Variants in ZDHHC16 observed in about 807,000 individuals in gnomAD.
ZDHHC16 encodes palmitoyltransferase ZDHHC16.
Under a neutral mutation model 54.4 loss-of-function variants are expected in ZDHHC16, and 33 were observed. The ratio of observed to expected loss-of-function variants is 0.61; its 90% CI spans 0.46 to 0.81. The LOEUF (loss-of-function observed/expected upper bound fraction) is 0.81. Among genes scored for constraint, ZDHHC16 ranks in the 30% least tolerant of loss-of-function variants. ZDHHC16 has a pLI of 0.00. For synonymous variants in ZDHHC16, 185 were observed against 182.1 expected (o/e 1.02, Z -0.13); for missense variants, 420 against 485.9 (o/e 0.86, Z 1.28).
chr10:97,455,857 C>T, intron 10 of ZDHHC16, 74 bp downstream of exon 10: 1 of 1,602,466 alleles, frequency 6.2e-7, no homozygotes, highest in South Asian at 1.1e-5. Context: ...AGGCCATGGG[C>T]AGGGCTGACT....
chr10:97,451,651 A>T lies in ZDHHC16; in HGVS notation c.-5-20A>T, dbSNP rs1284828206. On this transcript the variant is annotated intron_variant, in intron 2 of 11. Transcript: ENST00000393760. ...GAGGGAGGGCTCAGACTAGATCCTC[A>T]CAATGGTGTGCTCTCGTAGGAACCA... 3 of 1,596,832 alleles carry T rather than the reference A, an allele frequency of 1.9e-6. No homozygotes were observed. In the East Asian group the frequency reaches 6.7e-5, roughly 36 times the overall value.
chr10:97,449,220 A>G (rs1846369163), intron 1 of ZDHHC16, among the ~76,000 whole-genome samples: 1 of 121,582 alleles, frequency 8.2e-6, no homozygotes, highest in Non-Finnish European at 1.8e-5. Flanking sequence ...AGTGGAGAAT[A>G]GAAGTTTTTT....
At chr10:97,450,022 C>G (rs1173894788) in intron 1 of ZDHHC16, among the ~76,000 whole-genome samples, 1 of 151,112 alleles carries the variant, frequency 6.6e-6, no homozygotes, top group African/African-American at 2.4e-5. Context: ...CAGGCGCCCG[C>G]CACCGCGCCC....
intron 5 of ZDHHC16, 97 bp downstream of exon 5, chr10:97,452,600 C>A: frequency 7.6e-7 from 1 of 1,320,128 alleles, no homozygotes; most frequent in Non-Finnish European, 1.1e-6. Context: ...ATGGGTGAAT[C>A]ACCCATCGTG....
chr10:97,452,895 G>T lies in ZDHHC16; in HGVS notation c.528G>T (p.Arg176Ser). The T allele has an allele frequency of 2.5e-6, 4 of 1,614,192 alleles. No homozygotes were observed. Among genetic ancestry groups the T allele is most frequent in the Non-Finnish European group, 3.4e-6 (4 of 1,180,040 alleles). The change falls in exon 6 of 12, where the codon AGG becomes AGT. Residue 176 changes from arginine to serine, a missense_variant and splice_region_variant. By Grantham distance (110) the Arg-to-Ser change is moderately radical (BLOSUM62 -1). Transcript: ENST00000393760. The stretch of plus-strand genomic sequence containing the variant: ...CAGAGCCTGTGTCCCTTCCTCACAG[G>T]TGTGTGCTGAAGATGGATCACCACT... ...ARTHHCSICN[R>S]CVLKMDHHCP...
chr10:97,455,880 G>GT (rs1015920258), intron 10 of ZDHHC16, 94 bp from the exon 11 acceptor site: 35 of 1,602,852 alleles, frequency 2.2e-5, no homozygotes, highest in African/African-American at 4.0e-5. Flanking sequence ...GGCAAGCATT[G>GT]TAAAAGGCCA....
At chr10:97,453,950 A>C (rs1846910308) in intron 8 of ZDHHC16, 104 bp downstream of exon 8, 1 of 1,492,798 alleles carries the variant, frequency 6.7e-7, no homozygotes, top group African/African-American at 1.4e-5. Flanking sequence ...GAGGCTGCCG[A>C]GAGGCCACTC....
chr10:97,452,798 C>T, intron 5 of ZDHHC16, 97 bp from the exon 6 acceptor site: 2 of 1,541,464 alleles, frequency 1.3e-6, no homozygotes, highest in Non-Finnish European at 1.8e-6. Flanking sequence ...TGTGCCCTTT[C>T]CACCTCAGCA....
chr10:97,456,891 A>G lies in ZDHHC16; in HGVS notation c.1134A>G (p.Ter378TrpextTer81). The G allele has an allele frequency of 6.2e-7, 1 of 1,607,034 alleles. No homozygotes were observed. The highest frequency in any genetic ancestry group is 8.5e-7 in the Non-Finnish European group (1 of 1,176,272). The stretch of plus-strand genomic sequence containing the variant: ...ACTCAGCCTCTGTGATGGCAGTGTG[A>G]GCTGGACTGTGTCAGCCACGACTCG... ...TAHSASVMAV* is the reference protein window; with the variant it reads ...TAHSASVMAVW The change falls in exon 12 of 12, where the codon TGA becomes TGG. Residue 378 changes from the stop codon to tryptophan, a stop_lost. Coordinates refer to ENST00000393760, the MANE Select transcript of ZDHHC16 (RefSeq NM_198046.3).
intron 1 of ZDHHC16, among the ~76,000 whole-genome samples, chr10:97,449,012 C>T (rs1341751408): frequency 6.6e-6 from 1 of 152,196 alleles, no homozygotes; most frequent in Non-Finnish European, 1.5e-5. Flanking sequence ...TGGAAGGGAC[C>T]TTAGCATTTA....
At chr10:97,450,032 C>T (rs889959579) in intron 1 of ZDHHC16, among the ~76,000 whole-genome samples, 2 of 150,836 alleles carry the variant, frequency 1.3e-5, no homozygotes, top group Non-Finnish European at 2.9e-5. Flanking sequence ...CCACCGCGCC[C>T]GGCTAATTTT....
intron 10 of ZDHHC16, 45 bp downstream of exon 10, chr10:97,455,828 C>A: frequency 6.2e-7 from 1 of 1,606,962 alleles, no homozygotes; most frequent in Non-Finnish European, 8.5e-7. Context: ...GGTAACTGAA[C>A]TTGCTCTCCT....
At chr10:97,455,179 T>C (rs896005089) in intron 9 of ZDHHC16, among the ~76,000 whole-genome samples, 1 of 152,248 alleles carries the variant, frequency 6.6e-6, no homozygotes, top group African/African-American at 2.4e-5. Flanking sequence ...ATATTAGCAC[T>C]GGAATTTGAA....
At chr10:97,450,922 C>G (rs1046708739) in intron 2 of ZDHHC16, 1 of 152,244 alleles carries the variant, frequency 6.6e-6, no homozygotes, top group African/African-American at 2.4e-5. Flanking sequence ...GTTGTCTTGG[C>G]TACCATTTCC....
chr10:97,448,413 A>T (rs554962098), intron 1 of ZDHHC16: 1 of 152,280 alleles, frequency 6.6e-6, no homozygotes, highest in Admixed American at 6.5e-5. Context: ...TGCTCTTCAT[A>T]CCTGTGGGTT....
chr10:97,452,257 C>A lies in ZDHHC16; in HGVS notation c.411C>A (p.Ile137=). 1 of 1,614,138 alleles carries A rather than the reference C, an allele frequency of 6.2e-7. No individual in the cohort carries two copies. The highest frequency in any genetic ancestry group is 8.5e-7 in the Non-Finnish European group (1 of 1,180,044). The change falls in exon 4 of 12, where the codon ATC becomes ATA. Residue 137 remains isoleucine (I), a synonymous_variant. Transcript: ENST00000393760. The stretch of plus-strand genomic sequence containing the variant: ...TTGTCTTCCACTACTACCAGGCCAT[C>A]ACCACTCCGCCTGGGTACCCACCCC... ...ILIVFHYYQA[I]TTPPGYPPQG...
chr10:97,453,385 T>C, intron 6 of ZDHHC16, 145 bp from the exon 7 acceptor site: 1 of 1,172,408 alleles, frequency 8.5e-7, no homozygotes, highest in South Asian at 1.5e-5. Flanking sequence ...AACAGTCTTG[T>C]ATTTTCTTGC....
chr10:97,455,684 C>T lies in ZDHHC16; in HGVS notation c.849C>T (p.Ala283=). ...GTTCTGTGGCACTTGCCCTGGGTGC[C>T]CTAACTGTATGGCATGCTGTTCTCA... ...LCSSVALALG[A]LTVWHAVLIS... The change falls in exon 10 of 12, where the codon GCC becomes GCT. Residue 283 remains alanine, a synonymous_variant. Coordinates refer to ENST00000393760, the MANE Select transcript of ZDHHC16 (RefSeq NM_198046.3). 1.2e-6 allele frequency: 2 copies of T among 1,614,146 alleles called. No individual in the cohort carries two copies. Among genetic ancestry groups the T allele is most frequent in the African/African-American group, 1.3e-5 (1 of 75,016 alleles).
In ZDHHC16 at chr10:97,446,843, G is replaced by A. The variant is rs1431621479; in HGVS notation, c.-186+490G>A. On this transcript the variant is annotated intron_variant, in intron 1 of 11. Coordinates refer to ENST00000393760, the MANE Select transcript of ZDHHC16 (RefSeq NM_198046.3). ...AGCGATTCTCCTGCCTCAGCCTCCC[G>A]CGCAGCTGGGACTTACAGGCGCGCG... 3.3e-5 allele frequency among the ~76,000 whole-genome samples: 4 copies of A among 121,096 alleles called. No individual in the cohort carries two copies. The Admixed American group carries it at 3.4e-4, about 10-fold the overall frequency. The allele number at this position is 121,096 out of a possible 152,430, so 79.4% of individuals were successfully genotyped here.
Sources: gnomAD v4.1 joint callset for allele counts (sites outside exome capture counted in the v4.1 genomes callset) on GRCh38, gnomAD v4.1.1 for gene constraint, MANE v1.5 for transcripts, NCBI Gene and HGNC (gene_info 2026-07-23, HGNC 2026-07-21) for gene names.